The following ANGEL2 variants were observed in gnomAD, a reference collection of about 807,000 sequenced individuals.
ANGEL2 encodes RNA 2',3'-cyclic phosphatase ANGEL2.
A neutral mutation model predicts 66.0 loss-of-function variants in ANGEL2; 41 were observed. The observed-to-expected ratio is 0.62, with a 90% CI of 0.48 to 0.81. ANGEL2 has a LOEUF of 0.81. Among genes scored for constraint, ANGEL2 ranks in the 30% least tolerant of loss-of-function variants. ANGEL2 has a pLI of 0.00. For synonymous variants in ANGEL2, 208 were observed against 226.5 expected, an observed-to-expected ratio of 0.92 and a Z score of 0.73; for missense variants, 561 against 641.6, an observed-to-expected ratio of 0.87 and a Z score of 1.36.
chr1:213,010,777 G>A (rs1396922036), intron 2 of ANGEL2, among the ~76,000 whole-genome samples: 2 of 152,022 alleles, frequency 1.3e-5, no homozygotes, highest in Non-Finnish European at 2.9e-5. Flanking sequence ...GAAAATTAAG[G>A]TCTAAAAACC....
intron 5 of ANGEL2, chr1:213,001,132 C>T (rs1027581705): frequency 8.2e-6 from 4 of 489,442 alleles, no homozygotes; most frequent in Non-Finnish European, 7.1e-6. Context: ...TTTTCCCATA[C>T]ATGCTTTTCT....
intron 6 of ANGEL2, 39 bp from the exon 7 acceptor site, chr1:213,000,422 T>C (rs2076146016): frequency 1.9e-6 from 3 of 1,558,874 alleles, no homozygotes; most frequent in South Asian, 1.1e-5. Flanking sequence ...GTTATTGTTC[T>C]AGTTTGCCTT....
intron 1 of ANGEL2, among the ~76,000 whole-genome samples, chr1:213,014,220 C>T (rs1217338105): frequency 6.6e-6 from 1 of 152,222 alleles, no homozygotes; most frequent in Non-Finnish European, 1.5e-5. Flanking sequence ...CACTATACTA[C>T]TTTGGCAAAA....
chr1:213,013,753 C>A (rs768386782), intron 1 of ANGEL2, among the ~76,000 whole-genome samples: 2 of 152,142 alleles, frequency 1.3e-5, no homozygotes, highest in Non-Finnish European at 2.9e-5. Flanking sequence ...CAAGCACCTA[C>A]AAAACTCAAT....
intron 2 of ANGEL2, 26 bp downstream of exon 2, chr1:213,013,067 T>C: frequency 6.3e-7 from 1 of 1,595,496 alleles, no homozygotes; most frequent in Non-Finnish European, 8.5e-7. Context: ...TATCTATTTC[T>C]ACACCAAGAT....
chr1:213,003,802 A>G (rs1409089363), intron 5 of ANGEL2, among the ~76,000 whole-genome samples: 1 of 152,236 alleles, frequency 6.6e-6, no homozygotes, highest in African/African-American at 2.4e-5. Flanking sequence ...TAGAGTTGCT[A>G]TGAAACTTCA....
chr1:213,015,277 G>C (rs564063326), intron 1 of ANGEL2: 1 of 1,174,486 alleles, frequency 8.5e-7, no homozygotes, highest in South Asian at 2.8e-5. Flanking sequence ...CGGTGCTGCG[G>C]AGTGTGTGGA....
At chr1:213,003,316 C>G (rs377528629) in intron 5 of ANGEL2, among the ~76,000 whole-genome samples, 2 of 152,354 alleles carry the variant, frequency 1.3e-5, no homozygotes, top group African/African-American at 4.8e-5. Context: ...CCTTCAAGAA[C>G]TTTTCCTTGC....
At chr1:213,010,771 A>G (rs553287594) in intron 2 of ANGEL2, among the ~76,000 whole-genome samples, 1 of 152,318 alleles carries the variant, frequency 6.6e-6, no homozygotes, top group African/African-American at 2.4e-5. Context: ...AAATATGAAA[A>G]TTAAGGTCTA....
At chr1:213,004,799 T>C (rs1187044135) in intron 5 of ANGEL2, among the ~76,000 whole-genome samples, 1 of 123,454 alleles carries the variant, frequency 8.1e-6, no homozygotes, top group Non-Finnish European at 1.6e-5. Flanking sequence ...ACCCGGGAGG[T>C]GGAGCTTGCA....
intron 1 of ANGEL2, 24 bp downstream of exon 1, chr1:213,015,589 C>T (rs957581406): frequency 1.2e-6 from 2 of 1,613,014 alleles, no homozygotes; most frequent in East Asian, 2.2e-5. Flanking sequence ...TCTCTCCTCC[C>T]TCCGAGTACC....
At chr1:213,014,246 A>G (rs2076580423) in intron 1 of ANGEL2, among the ~76,000 whole-genome samples, 1 of 152,206 alleles carries the variant, frequency 6.6e-6, no homozygotes, top group South Asian at 2.1e-4. Flanking sequence ...AGATTCAGAG[A>G]AGGACTTTTA....
At chr1:213,009,907 C>T (rs996259646) in intron 2 of ANGEL2, among the ~76,000 whole-genome samples, 3 of 151,896 alleles carry the variant, frequency 2.0e-5, no homozygotes, top group African/African-American at 7.3e-5. Flanking sequence ...AAAAATTAGT[C>T]GGGTGTGGTG....
At chr1:213,015,180 T>C in intron 1 of ANGEL2, 1 of 1,021,096 alleles carries the variant, frequency 9.8e-7, no homozygotes, top group Non-Finnish European at 1.2e-6. Context: ...CTCCTGGGCG[T>C]GTGCCACACA....
At chr1:213,000,726 A>G in intron 6 of ANGEL2, 60 bp downstream of exon 6, 5 of 1,520,810 alleles carry the variant, frequency 3.3e-6, no homozygotes, top group Non-Finnish European at 4.4e-6. Context: ...ACTTAGTTTT[A>G]TGTCTTCAAA....
chr1:213,013,616 T>C (rs990808076), intron 1 of ANGEL2, among the ~76,000 whole-genome samples, 198 bp from the exon 2 acceptor site: 1 of 152,186 alleles, frequency 6.6e-6, no homozygotes, highest in Non-Finnish European at 1.5e-5. Flanking sequence ...TAAAAAACCA[T>C]GAATGGTATT....
intron 4 of ANGEL2, among the ~76,000 whole-genome samples, chr1:213,005,662 A>G (rs1360189070): frequency 1.3e-5 from 2 of 152,184 alleles, no homozygotes; most frequent in Admixed American, 6.5e-5. Flanking sequence ...TTGATATGCT[A>G]ATGTGTATTA....
chr1:213,011,296 G>C, intron 2 of ANGEL2: 1 of 1,277,338 alleles, frequency 7.8e-7, no homozygotes, highest in South Asian at 1.3e-5. Context: ...GGTTTTTAGG[G>C]TGCCTAATTA....
intron 8 of ANGEL2, among the ~76,000 whole-genome samples, chr1:212,996,570 C>G (rs1377458867): frequency 1.5e-5 from 2 of 133,330 alleles, no homozygotes; most frequent in African/African-American, 5.7e-5. Flanking sequence ...TGCAGTAAGC[C>G]GAGAATCATG....
Sources: allele counts gnomAD v4.1 joint callset (sites outside exome capture counted in the v4.1 genomes callset), GRCh38; gene constraint gnomAD v4.1.1; transcripts MANE v1.5; gene names NCBI Gene and HGNC (gene_info 2026-07-23, HGNC 2026-07-21).